Variants in PPP6R3 observed in about 807,000 individuals in gnomAD.
PPP6R3 encodes serine/threonine-protein phosphatase 6 regulatory subunit 3.
Under a neutral mutation model 110.7 loss-of-function variants are expected in PPP6R3, and 38 were observed. That is an observed-to-expected ratio of 0.34 (90% CI 0.26 to 0.45). PPP6R3 has a LOEUF of 0.45. Among genes scored for constraint, PPP6R3 ranks in the 20% least tolerant of loss-of-function variants. The pLI, the probability that PPP6R3 is intolerant of heterozygous loss-of-function variation, is 1.00. For missense variants in PPP6R3, 870 were observed against 1,062.4 expected (o/e 0.82, Z 2.52); for synonymous variants, 369 against 373.5 (o/e 0.99, Z 0.14).
At chr11:68,468,921 T>C (rs2472429) in intron 1 of PPP6R3, among the ~76,000 whole-genome samples, 13,251 of 152,264 alleles carry the variant, frequency 0.087, 726 homozygotes, top group Non-Finnish European at 0.12. Context: ...AGTCTCACAT[T>C]TTATATAGAA....
At chr11:68,526,242 C>G (rs1348862457) in intron 2 of PPP6R3, among the ~76,000 whole-genome samples, 3 of 151,920 alleles carry the variant, frequency 2.0e-5, no homozygotes, top group Non-Finnish European at 4.4e-5. Context: ...ACTGATTTTA[C>G]TTTGACTTAC....
chr11:68,575,012 C>T (rs2099525046), intron 13 of PPP6R3, among the ~76,000 whole-genome samples: 1 of 152,226 alleles, frequency 6.6e-6, no homozygotes, highest in Non-Finnish European at 1.5e-5. Flanking sequence ...ACTAAAACCA[C>T]AGTTGTCACC....
intron 10 of PPP6R3, among the ~76,000 whole-genome samples, chr11:68,567,877 A>C (rs2099484873): frequency 6.6e-6 from 1 of 152,146 alleles, no homozygotes; most frequent in Non-Finnish European, 1.5e-5. Context: ...CAGGCATTGT[A>C]ATGTTCATCT....
rs1419315086 is a variant in PPP6R3, at chr11:68,603,344, G to A, written c.2302G>A (p.Ala768Thr). ...AAALAVQPEAAGSVAMEASSD... is the reference protein window; with the variant it reads ...AAALAVQPEATGSVAMEASSD... ...ACCATCAGCTGTGTTCTTTTCAGCG[G>A]CAGGCAGTGTGGCCATGGAAGCCAG... The change falls in exon 22 of 24, where the codon GCA (alanine) becomes ACA (threonine). Residue 768 changes from alanine to threonine, a missense_variant and splice_region_variant. Coordinates refer to ENST00000393800, the MANE Select transcript of PPP6R3 (RefSeq NM_001164161.2). 26 of 1,613,710 alleles carry A rather than the reference G, an allele frequency of 1.6e-5. No homozygotes were observed. Among genetic ancestry groups the A allele is most frequent in the Non-Finnish European group, 2.2e-5 (26 of 1,179,932 alleles).
chr11:68,566,237 G>GGCTGCTGCTGCTGCT (rs59680768), intron 9 of PPP6R3, among the ~76,000 whole-genome samples: 37 of 151,268 alleles, frequency 2.4e-4, no homozygotes, highest in South Asian at 1.3e-3. Context: ...CCACCACCAC[G>GGCTGCTGCTGCTGCT]GCTGCTGCTG....
chr11:68,569,414 C>A (rs145703049), intron 10 of PPP6R3, among the ~76,000 whole-genome samples: 95 of 152,230 alleles, frequency 6.2e-4, no homozygotes, highest in African/African-American at 2.2e-3. Flanking sequence ...AAATTAAGCA[C>A]AGGAAGAGAT....
At chr11:68,547,254 C>A (rs966498370) in intron 4 of PPP6R3, among the ~76,000 whole-genome samples, 5 of 152,088 alleles carry the variant, frequency 3.3e-5, no homozygotes, top group African/African-American at 7.3e-5. Flanking sequence ...TCCAACCCCC[C>A]ACGCCCCAGA....
At chr11:68,606,726 A>G (rs1940302096) in intron 22 of PPP6R3, among the ~76,000 whole-genome samples, 1 of 152,240 alleles carries the variant, frequency 6.6e-6, no homozygotes, top group Admixed American at 6.5e-5. Context: ...GAAGCCTTAA[A>G]GGATGTCCAT....
chr11:68,467,796 A>T (rs2153229104), intron 1 of PPP6R3, among the ~76,000 whole-genome samples: 1 of 152,160 alleles, frequency 6.6e-6, no homozygotes, highest in Non-Finnish European at 1.5e-5. Flanking sequence ...TTTTTTTGAG[A>T]TGGACTCTCA....
intron 9 of PPP6R3, among the ~76,000 whole-genome samples, chr11:68,564,987 A>G (rs2099454793): frequency 6.6e-6 from 1 of 152,180 alleles, no homozygotes; most frequent in Admixed American, 6.5e-5. Flanking sequence ...CGCCCCTTGG[A>G]TTGATACAGA....
At chr11:68,544,541 G>A (rs2099339563) in intron 3 of PPP6R3, among the ~76,000 whole-genome samples, 1 of 152,242 alleles carries the variant, frequency 6.6e-6, no homozygotes, top group Non-Finnish European at 1.5e-5. Flanking sequence ...TGATCGTGGA[G>A]AAGGCCCGGG....
chr11:68,528,433 T>TGG (rs10557748), intron 2 of PPP6R3, among the ~76,000 whole-genome samples: 1,597 of 127,336 alleles, frequency 0.013, 31 homozygotes, highest in East Asian at 0.033. Flanking sequence ...TTTGTGTGTG[T>TGG]GGGGGGGGGG....
At chr11:68,582,965 A>G (rs557557853) in intron 14 of PPP6R3, 78 bp from the exon 15 acceptor site, 174 of 1,077,742 alleles carry the variant, frequency 1.6e-4, no homozygotes, top group Non-Finnish European at 2.2e-4. Flanking sequence ...ACTAAATGTG[A>G]TTTTTCCATA....
At chr11:68,557,888 G>A (rs2099405520) in intron 7 of PPP6R3, among the ~76,000 whole-genome samples, 1 of 152,160 alleles carries the variant, frequency 6.6e-6, no homozygotes, top group South Asian at 2.1e-4. Flanking sequence ...CCTTGAGAAT[G>A]TTCATATAAA....
chr11:68,562,100 G>A (rs187613828), intron 8 of PPP6R3, among the ~76,000 whole-genome samples: 2 of 151,690 alleles, frequency 1.3e-5, no homozygotes, highest in Admixed American at 1.3e-4. Flanking sequence ...CATTTAGCAA[G>A]ATTGCAAGTA....
chr11:68,496,454 A>T (rs770500252), intron 1 of PPP6R3, among the ~76,000 whole-genome samples: 6 of 151,102 alleles, frequency 4.0e-5, no homozygotes, highest in Non-Finnish European at 8.8e-5. Context: ...GGGACTGTAG[A>T]TGTGTGCCAC....
At chr11:68,521,544 CAA>C (rs1473906001) in intron 2 of PPP6R3, among the ~76,000 whole-genome samples, 1 of 152,168 alleles carries the variant, frequency 6.6e-6, no homozygotes, top group African/African-American at 2.4e-5. Context: ...GTGAACCCTT[CAA>C]AGTCTCCAGG....
chr11:68,530,559 A>G (rs2099232797), intron 2 of PPP6R3, among the ~76,000 whole-genome samples: 1 of 152,214 alleles, frequency 6.6e-6, no homozygotes, highest in African/African-American at 2.4e-5. Flanking sequence ...CTGGCATATG[A>G]TATCAGATAT....
At chr11:68,471,900 C>T (rs778749077) in intron 1 of PPP6R3, among the ~76,000 whole-genome samples, 3 of 150,362 alleles carry the variant, frequency 2.0e-5, no homozygotes, top group Non-Finnish European at 4.4e-5. Context: ...ATAGTGGGAG[C>T]ATGTGGACGT....
Sources: allele counts gnomAD v4.1 joint callset (sites outside exome capture counted in the v4.1 genomes callset), GRCh38; gene constraint gnomAD v4.1.1; transcripts MANE v1.5; gene names NCBI Gene and HGNC (gene_info 2026-07-23, HGNC 2026-07-21).